CSMD3: variants seen among roughly 807,000 people sequenced by gnomAD.
The protein encoded by CSMD3 is CUB and sushi domain-containing protein 3.
In CSMD3, 177 loss-of-function variants were observed where a neutral mutation model predicts 435.2. The ratio of observed to expected loss-of-function variants is 0.41; its 90% CI spans 0.36 to 0.46. The LOEUF (loss-of-function observed/expected upper bound fraction) is 0.46. Among genes scored for constraint, CSMD3 ranks in the 20% least tolerant of loss-of-function variants. The pLI is 0.34. For synonymous variants in CSMD3, 1,656 were observed against 1,520.5 expected (o/e 1.09, Z -2.07); for missense variants, 4,265 against 4,504.6 (o/e 0.95, Z 1.52).
intron 5 of CSMD3, among the ~76,000 whole-genome samples, chr8:113,038,772 C>T (rs963293152): frequency 2.0e-5 from 3 of 152,174 alleles, no homozygotes; most frequent in Non-Finnish European, 4.4e-5. Flanking sequence ...TAAAATCCCT[C>T]CCTCCCAACA....
intron 10 of CSMD3, among the ~76,000 whole-genome samples, chr8:112,863,140 A>T (rs1193069790): frequency 6.6e-6 from 1 of 151,972 alleles, no homozygotes; most frequent in Non-Finnish European, 1.5e-5. Context: ...ACTTTCTTAC[A>T]GACTTTTGTT....
chr8:112,954,845 A>T (rs2083954700), intron 7 of CSMD3, 84 bp from the exon 8 acceptor site: 1 of 843,094 alleles, frequency 1.2e-6, no homozygotes, highest in South Asian at 1.4e-5. Flanking sequence ...GTTAGCATGG[A>T]CTTATGCAAG....
intron 1 of CSMD3, among the ~76,000 whole-genome samples, chr8:113,341,530 T>C (rs2094118561): frequency 6.6e-6 from 1 of 152,138 alleles, no homozygotes; most frequent in Non-Finnish European, 1.5e-5. Flanking sequence ...ATTTCAATAG[T>C]TAAGTTCTAG....
At chr8:112,252,987 T>A (rs1300889361) in intron 63 of CSMD3, among the ~76,000 whole-genome samples, 2 of 151,830 alleles carry the variant, frequency 1.3e-5, no homozygotes, top group African/African-American at 4.8e-5. Flanking sequence ...ATTCTCTTCA[T>A]TTTGTTGGAT....
intron 10 of CSMD3, among the ~76,000 whole-genome samples, chr8:112,880,877 G>A (rs2081428208): frequency 6.6e-6 from 1 of 151,954 alleles, no homozygotes; most frequent in African/African-American, 2.4e-5. Flanking sequence ...ACTACAGGAA[G>A]TCCAGTCTTA....
intron 22 of CSMD3, among the ~76,000 whole-genome samples, chr8:112,629,168 A>G (rs1008955357): frequency 6.6e-6 from 1 of 152,110 alleles, no homozygotes; most frequent in Admixed American, 6.6e-5. Flanking sequence ...CAGCAACTAA[A>G]CAATGATTTC....
intron 4 of CSMD3, among the ~76,000 whole-genome samples, chr8:113,131,256 A>T (rs748313000): frequency 6.6e-6 from 1 of 152,076 alleles, no homozygotes; most frequent in African/African-American, 2.4e-5. Flanking sequence ...ACAAGGGGGA[A>T]AATATCCCCA....
At chr8:112,254,368 C>T (rs769167705) in intron 62 of CSMD3, 42 bp from the exon 63 acceptor site, 2 of 1,298,954 alleles carry the variant, frequency 1.5e-6, no homozygotes, top group Non-Finnish European at 1.1e-6. Flanking sequence ...TTAAAATTTA[C>T]AATAGATATA....
intron 9 of CSMD3, among the ~76,000 whole-genome samples, chr8:112,931,277 A>G (rs1275185043): frequency 6.6e-6 from 1 of 152,092 alleles, no homozygotes; most frequent in African/African-American, 2.4e-5. Context: ...TCCTCTAATC[A>G]TAAAGATTAA....
intron 12 of CSMD3, among the ~76,000 whole-genome samples, chr8:112,818,650 G>A (rs945327712): frequency 6.6e-6 from 1 of 152,072 alleles, no homozygotes; most frequent in Non-Finnish European, 1.5e-5. Context: ...TGAAATGTGG[G>A]CAAGATGGGC....
intron 5 of CSMD3, among the ~76,000 whole-genome samples, chr8:113,078,742 A>C (rs558533545): frequency 6.6e-6 from 1 of 152,270 alleles, no homozygotes; most frequent in South Asian, 2.1e-4. Context: ...CCAGTTACCT[A>C]AAGGAACTGC....
intron 3 of CSMD3, among the ~76,000 whole-genome samples, chr8:113,272,851 A>G (rs1259305250): frequency 1.3e-5 from 2 of 152,122 alleles, no homozygotes; most frequent in Non-Finnish European, 2.9e-5. Context: ...AGAGGCTGGG[A>G]AGGGTAGTGG....
intron 16 of CSMD3, among the ~76,000 whole-genome samples, chr8:112,667,724 G>C (rs1292985122): frequency 6.6e-6 from 1 of 152,040 alleles, no homozygotes; most frequent in Admixed American, 6.6e-5. Context: ...GAAAATGGAG[G>C]AAAGAGTGTT....
chr8:112,839,953 C>T (rs892314679), intron 11 of CSMD3, among the ~76,000 whole-genome samples: 2 of 151,814 alleles, frequency 1.3e-5, no homozygotes, highest in Non-Finnish European at 3.0e-5. Flanking sequence ...ACCAGCTTCT[C>T]AATGCATGGT....
chr8:112,946,144 T>C (rs1247328315), intron 9 of CSMD3, among the ~76,000 whole-genome samples: 3 of 151,852 alleles, frequency 2.0e-5, no homozygotes, highest in Non-Finnish European at 2.9e-5. Flanking sequence ...TTGCAAATCA[T>C]TGGACCAAGT....
At chr8:113,310,039 T>C (rs2132645748) in intron 2 of CSMD3, 1 of 152,302 alleles carries the variant, frequency 6.6e-6, no homozygotes, top group Middle Eastern at 3.4e-3. Flanking sequence ...GGATTTCTGT[T>C]ACAGCCAAAC....
chr8:112,748,241 T>C (rs528558065), intron 13 of CSMD3, among the ~76,000 whole-genome samples: 33 of 152,092 alleles, frequency 2.2e-4, no homozygotes, highest in Non-Finnish European at 7.4e-5. Flanking sequence ...AGAAATTGAA[T>C]AGGAAAATAT....
intron 32 of CSMD3, among the ~76,000 whole-genome samples, chr8:112,450,598 A>G (rs1816149820): frequency 6.6e-6 from 1 of 152,210 alleles, no homozygotes; most frequent in African/African-American, 2.4e-5. Flanking sequence ...CGGAAAACGC[A>G]GAGCTGAGGT....
chr8:112,791,140 T>C (rs934875752), intron 13 of CSMD3, among the ~76,000 whole-genome samples: 3 of 151,842 alleles, frequency 2.0e-5, no homozygotes, highest in Non-Finnish European at 2.9e-5. Flanking sequence ...CTGGGCAATG[T>C]GGTGAAACTC....
Sources: gnomAD v4.1 joint callset for allele counts (sites outside exome capture counted in the v4.1 genomes callset) on GRCh38, gnomAD v4.1.1 for gene constraint, MANE v1.5 for transcripts, NCBI Gene and HGNC (gene_info 2026-07-23, HGNC 2026-07-21) for gene names.